The following METTL9 variants were observed in gnomAD, a reference collection of about 807,000 sequenced individuals.
The protein encoded by METTL9 is protein-L-histidine N-pros-methyltransferase.
In METTL9, 10 loss-of-function variants were observed where a neutral mutation model predicts 36.0. The observed-to-expected ratio is 0.28, with a 90% confidence interval of 0.17 to 0.47. METTL9 has a LOEUF of 0.47. METTL9 is among the 20% of genes least tolerant of loss of function. METTL9 has a pLI of 0.99. For synonymous variants in METTL9, 175 were observed against 149.7 expected (o/e 1.17, Z -1.23); for missense variants, 246 against 383.5 (o/e 0.64, Z 3.00).
In METTL9 at chr16:21,624,931, A is replaced by G. The variant is rs371825051; in HGVS notation, c.567A>G (p.Arg189=). The change falls in exon 4 of 5, where the codon AGA becomes AGG. Residue 189 remains arginine, a splice_region_variant and synonymous_variant. Coordinates refer to ENST00000358154, the MANE Select transcript of METTL9 (RefSeq NM_016025.5). ...ATACAGTTATTTCTGATTTTTCTAG[A>G]GTCCTTGGTATAAATGAATGGCAGA... The part of the protein sequence containing the change: ...MIWQLQKKKY[R]VLGINEWQNT... 4.4e-5 allele frequency: 71 copies of G among 1,613,418 alleles called. No homozygotes were observed. The highest frequency in any genetic ancestry group is 5.9e-5 in the Non-Finnish European group (70 of 1,179,682).
intron 4 of METTL9, among the ~76,000 whole-genome samples, chr16:21,625,558 G>GT (rs1209074481): frequency 1.3e-5 from 2 of 152,022 alleles, no homozygotes; most frequent in Non-Finnish European, 2.9e-5. Context: ...GCTTTTATCT[G>GT]TTTTTTTCTC....
In METTL9 at chr16:21,655,652, CTT is replaced by C. The variant is rs1804620460; in HGVS notation, c.*222_*223del. 3.9e-6 allele frequency: 2 copies of C among 513,874 alleles called. No homozygotes were observed. Among genetic ancestry groups the C allele is most frequent in the South Asian group, 5.5e-5 (2 of 36,370 alleles). 31.8% of individuals were successfully genotyped at this position (513,874 alleles called of 1,614,324 possible). A position where few individuals can be genotyped will look rare whatever the true frequency, so the allele number is the denominator to read the frequency against. ...AACTCTTTGTGGATTTTTATCAACT[CTT>C]TACTCAGAGCCACTCTCCAATGCAG... On this transcript the variant is annotated 3_prime_UTR_variant, in exon 5 of 5. Transcript: ENST00000358154.
chr16:21,619,424 G>A (rs1389006587), intron 3 of METTL9, among the ~76,000 whole-genome samples: 2 of 14,620 alleles, frequency 1.4e-4, no homozygotes, highest in Non-Finnish European at 2.6e-4. Flanking sequence ...TAGGAAGAAG[G>A]GCCTTTTTTT....
In METTL9 at chr16:21,605,257, C is replaced by CTTTTTTT. The variant is rs3046231; in HGVS notation, c.165+5392_165+5398dup. Among the ~76,000 whole-genome samples, 353 of 51,212 alleles carry CTTTTTTT rather than the reference C, an allele frequency of 6.9e-3. 114 individuals carry two copies. Among genetic ancestry groups the CTTTTTTT allele is most frequent in the African/African-American group, 0.01 (156 of 15,544 alleles). 33.6% of individuals were successfully genotyped at this position (51,212 alleles called of 152,430 possible). On this transcript the variant is annotated intron_variant, in intron 1 of 4. Coordinates refer to ENST00000358154, the MANE Select transcript of METTL9 (RefSeq NM_016025.5). ...GGGGTGGTAAAAATAGGCTTGCCTT[C>CTTTTTTT]TTTTTTTTTTTTTTTTTTTTTTTTT...
chr16:21,629,722 TG>T (rs1248157867), intron 4 of METTL9, among the ~76,000 whole-genome samples: 3 of 152,160 alleles, frequency 2.0e-5, no homozygotes, highest in African/African-American at 7.2e-5. Context: ...TTCCTCAGCA[TG>T]GATGGGGACC....
At position 21,655,549 on chromosome 16, in the gene METTL9, A is replaced by C; in HGVS notation, c.*117A>C. ...CTTGGGGACCGCCATTCTAAATATC[A>C]TGTAGGAATTTAAAAAGCCAAAATA... On this transcript the variant is annotated 3_prime_UTR_variant, in exon 5 of 5. Transcript: ENST00000358154. The C allele has an allele frequency of 7.0e-6, 6 of 859,764 alleles. No homozygotes were observed. The highest frequency in any genetic ancestry group is 1.1e-5 in the Non-Finnish European group (6 of 557,906). The allele number at this position is 859,764 out of a possible 1,614,324, so 53.3% of individuals were successfully genotyped here.
intron 4 of METTL9, among the ~76,000 whole-genome samples, chr16:21,635,985 A>G (rs1966081620): frequency 6.6e-6 from 1 of 152,124 alleles, no homozygotes; most frequent in Non-Finnish European, 1.5e-5. Flanking sequence ...GTAGACCACA[A>G]AGACTGAGAA....
At chr16:21,644,409 A>G in intron 4 of METTL9, 1 of 1,563,778 alleles carries the variant, frequency 6.4e-7, no homozygotes, top group Non-Finnish European at 8.8e-7. Flanking sequence ...TAATGACAAA[A>G]ACAGAAAGAA....
chr16:21,649,356 G>A (rs922927436), intron 4 of METTL9, among the ~76,000 whole-genome samples: 3 of 152,092 alleles, frequency 2.0e-5, no homozygotes, highest in African/African-American at 7.2e-5. Flanking sequence ...GCTCTGTGGT[G>A]ACCTGATAAA....
upstream of METTL9, among the ~76,000 whole-genome samples, chr16:21,597,553 A>G (rs1157402007): frequency 2.6e-5 from 4 of 152,204 alleles, no homozygotes; most frequent in Non-Finnish European, 4.4e-5. Context: ...TACAGCAGCC[A>G]TCTACTTGCT....
At chr16:21,631,836 T>C (rs1320551812) in intron 4 of METTL9, among the ~76,000 whole-genome samples, 1 of 152,230 alleles carries the variant, frequency 6.6e-6, no homozygotes, top group East Asian at 1.9e-4. Context: ...TTATCAATTA[T>C]AGGTTTTAAC....
chr16:21,649,044 G>A (rs935011618), intron 4 of METTL9, among the ~76,000 whole-genome samples: 1 of 152,122 alleles, frequency 6.6e-6, no homozygotes, highest in African/African-American at 2.4e-5. Flanking sequence ...AGGCTGGAGT[G>A]CAATGGTGCA....
rs1011672881 is a variant in METTL9 at position 21,657,366 on chromosome 16, C to G, written c.*1934C>G. 2 of 152,034 alleles carry G rather than the reference C, an allele frequency of 1.3e-5. No homozygotes were observed. The highest frequency in any genetic ancestry group is 2.4e-5 in the African/African-American group (1 of 41,388). 9.4% of individuals were successfully genotyped at this position (152,034 alleles called of 1,614,324 possible). A position where few individuals can be genotyped will look rare whatever the true frequency, so the allele number is the denominator to read the frequency against. ...AAATTCTTGGTGGTGTGTCACCATT[C>G]CACTAGATGGCAGTGTTGCTTACTG... On this transcript the variant is annotated 3_prime_UTR_variant, in exon 5 of 5. Coordinates refer to ENST00000358154, the MANE Select transcript of METTL9 (RefSeq NM_016025.5).
intron 4 of METTL9, chr16:21,644,342 A>C (rs759541983): frequency 6.2e-7 from 1 of 1,614,004 alleles, no homozygotes; most frequent in African/African-American, 1.3e-5. Context: ...GACAGAGAGC[A>C]GTGATACAAG....
At chr16:21,597,552 C>CAT (rs967353325), upstream of METTL9, among the ~76,000 whole-genome samples, 1 of 152,198 alleles carries the variant, frequency 6.6e-6, no homozygotes, top group Non-Finnish European at 1.5e-5. Flanking sequence ...CTACAGCAGC[C>CAT]ATCTACTTGC....
At chr16:21,651,107 C>G (rs1185779794) in intron 4 of METTL9, among the ~76,000 whole-genome samples, 1 of 152,108 alleles carries the variant, frequency 6.6e-6, no homozygotes. Context: ...CCTGTAGTCC[C>G]AGCTACTCGG....
intron 4 of METTL9, chr16:21,647,201 A>G (rs1173908688): frequency 1.1e-5 from 17 of 1,614,092 alleles, no homozygotes; most frequent in East Asian, 2.2e-5. Context: ...GGGGAATGCT[A>G]TTCCACAGAT....
At chr16:21,607,266 G>A (rs1965313752) in intron 1 of METTL9, among the ~76,000 whole-genome samples, 1 of 152,054 alleles carries the variant, frequency 6.6e-6, no homozygotes, top group South Asian at 2.1e-4. Flanking sequence ...GTAGAGACGG[G>A]GTTTCACCAT....
intron 3 of METTL9, 116 bp from the exon 4 acceptor site, chr16:21,624,812 CAGA>C: frequency 1.2e-6 from 1 of 839,862 alleles, no homozygotes; most frequent in Non-Finnish European, 1.9e-6. Context: ...TAAATTATAA[CAGA>C]AGATTTTGAA....
Sources: gnomAD v4.1 joint callset for allele counts (sites outside exome capture counted in the v4.1 genomes callset) on GRCh38, gnomAD v4.1.1 for gene constraint, MANE v1.5 for transcripts, NCBI Gene and HGNC (gene_info 2026-07-23, HGNC 2026-07-21) for gene names.